DLC1: variants seen among roughly 807,000 people sequenced by gnomAD.
DLC1 encodes the protein rho GTPase-activating protein 7.
In DLC1, 54 loss-of-function variants were observed where a neutral mutation model predicts 140.3. The observed-to-expected ratio is 0.38, with a 90% confidence interval of 0.31 to 0.48. DLC1 has a LOEUF of 0.48. DLC1 is among the 20% of genes least tolerant of loss of function. The pLI is 0.96. For synonymous variants in DLC1, 986 were observed against 728.1 expected (o/e 1.35, Z -5.70); for missense variants, 2,536 against 1,907.0 (o/e 1.33, Z -6.14).
chr8:13,585,743 T>C (rs1805282556), intron 1 of DLC1, among the ~76,000 whole-genome samples: 1 of 152,182 alleles, frequency 6.6e-6, no homozygotes, highest in African/African-American at 2.4e-5. Flanking sequence ...ATCACCCTGA[T>C]TTCTTCTTTC....
chr8:13,426,190 C>A (rs935154329), intron 2 of DLC1, among the ~76,000 whole-genome samples: 1 of 143,624 alleles, frequency 7.0e-6, no homozygotes, highest in Admixed American at 7.2e-5. Context: ...GCTTAATATT[C>A]CAAATATTGT....
At chr8:13,174,187 A>T (rs904976184) in intron 5 of DLC1, among the ~76,000 whole-genome samples, 7 of 152,038 alleles carry the variant, frequency 4.6e-5, no homozygotes, top group African/African-American at 1.7e-4. Context: ...GCTGCAAAGG[A>T]TGTGATTTCT....
At chr8:13,117,723 C>G (rs1402115574) in intron 5 of DLC1, among the ~76,000 whole-genome samples, 1 of 152,188 alleles carries the variant, frequency 6.6e-6, no homozygotes, top group Non-Finnish European at 1.5e-5. Context: ...ACCAAAAATT[C>G]TCAGTGCCCG....
chr8:13,099,424 C>T lies in DLC1; in HGVS notation c.2913G>A (p.Leu971=), dbSNP rs745320768. The T allele has an allele frequency of 6.2e-7, 1 of 1,614,118 alleles. No homozygotes were observed. The highest frequency in any genetic ancestry group is 8.5e-7 in the Non-Finnish European group (1 of 1,180,024). Residue 971 remains leucine (L), a synonymous_variant, in exon 9 of 18, where the codon CTG becomes CTA. Transcript: ENST00000276297. ...TCTCGGAGGGCTCTTCCGGTTCATT[C>T]AGGGAGTTGCCTGTGCTGTCCAGGT... ...PSDLDSTGNS[L]NEPEEPSEIP...
chr8:13,133,648 C>T (rs950156038), intron 5 of DLC1, among the ~76,000 whole-genome samples: 5 of 151,604 alleles, frequency 3.3e-5, no homozygotes, highest in Non-Finnish European at 7.4e-5. Flanking sequence ...AACTATTGGC[C>T]CCGGGTGCAA....
intron 5 of DLC1, among the ~76,000 whole-genome samples, chr8:13,299,996 A>T (rs1393424588): frequency 6.6e-6 from 1 of 152,212 alleles, no homozygotes; most frequent in Non-Finnish European, 1.5e-5. Context: ...TGTTCATTGC[A>T]GCACTATTCA....
intron 5 of DLC1, among the ~76,000 whole-genome samples, chr8:13,267,754 G>A (rs1312248479): frequency 6.6e-6 from 1 of 151,698 alleles, no homozygotes; most frequent in African/African-American, 2.4e-5. Flanking sequence ...GTGTGTGTGT[G>A]TGTGTGTGTG....
intron 5 of DLC1, among the ~76,000 whole-genome samples, chr8:13,251,715 C>G (rs1830013030): frequency 6.6e-6 from 1 of 152,186 alleles, no homozygotes; most frequent in Non-Finnish European, 1.5e-5. Context: ...GATCTAAATT[C>G]TAGTCACCTC....
intron 2 of DLC1, among the ~76,000 whole-genome samples, chr8:13,487,045 C>G (rs964809529): frequency 6.6e-6 from 1 of 152,156 alleles, no homozygotes; most frequent in African/African-American, 2.4e-5. Context: ...TGAGGGAAGT[C>G]TGCTGCGGTT....
intron 4 of DLC1, among the ~76,000 whole-genome samples, chr8:13,330,171 C>T (rs1191770864): frequency 1.3e-5 from 2 of 152,034 alleles, no homozygotes; most frequent in African/African-American, 4.8e-5. Flanking sequence ...TGCTATGTTG[C>T]CCAGGATGGT....
At chr8:13,578,036 C>T (rs1585294989) in intron 1 of DLC1, among the ~76,000 whole-genome samples, 1 of 151,978 alleles carries the variant, frequency 6.6e-6, no homozygotes, top group Non-Finnish European at 1.5e-5. Context: ...AATTCCTACT[C>T]TCACACACTC....
At chr8:13,307,967 A>G (rs1402724761) in intron 4 of DLC1, among the ~76,000 whole-genome samples, 1 of 152,202 alleles carries the variant, frequency 6.6e-6, no homozygotes, top group African/African-American at 2.4e-5. Context: ...ATACCTCTAT[A>G]GGAATATTTT....
At chr8:13,465,555 A>AT (rs1419701632) in intron 2 of DLC1, among the ~76,000 whole-genome samples, 4 of 151,824 alleles carry the variant, frequency 2.6e-5, no homozygotes, top group Middle Eastern at 3.4e-3. Flanking sequence ...TAAAATATCC[A>AT]TTTTTTTGCC....
chr8:13,521,009 C>T (rs1226713207), intron 1 of DLC1, among the ~76,000 whole-genome samples: 1 of 152,126 alleles, frequency 6.6e-6, no homozygotes, highest in African/African-American at 2.4e-5. Flanking sequence ...TTGCCCAGCC[C>T]ATGAGTGATA....
intron 7 of DLC1, among the ~76,000 whole-genome samples, chr8:13,105,971 G>C (rs1819532703): frequency 6.6e-6 from 1 of 152,184 alleles, no homozygotes; most frequent in African/African-American, 2.4e-5. Context: ...CTGATATGCT[G>C]GGCGTAACCC....
chr8:13,088,780 A>G, intron 15 of DLC1, 76 bp from the exon 16 acceptor site: 3 of 1,309,510 alleles, frequency 2.3e-6, no homozygotes, highest in Non-Finnish European at 3.2e-6. Context: ...TGTTAGTTAG[A>G]CTAACAATTT....
At chr8:13,300,043 C>T (rs1262037013) in intron 5 of DLC1, among the ~76,000 whole-genome samples, 5 of 152,214 alleles carry the variant, frequency 3.3e-5, no homozygotes, top group African/African-American at 1.2e-4. Flanking sequence ...AAATGCCCAT[C>T]AGTGATAGGC....
chr8:13,451,068 A>AAAAAAAAAAAAAAAAAAAAAAAAAAAAAG (rs1799028861), intron 2 of DLC1, among the ~76,000 whole-genome samples: 1 of 143,876 alleles, frequency 7.0e-6, no homozygotes, highest in East Asian at 2.0e-4. Flanking sequence ...AAAAAAAAAA[A>AAAAAAAAAAAAAAAAAAAAAAAAAAAAAG]GAAAAAAAGA....
In DLC1 at chr8:13,111,672, G is replaced by C. The variant is rs569170354; in HGVS notation, c.1421-849C>G. 1.5e-4 allele frequency among the ~76,000 whole-genome samples: 23 copies of C among 152,252 alleles called. No homozygotes were observed. In the East Asian group the frequency reaches 4.3e-3, roughly 28 times the overall value. On this transcript the variant is annotated intron_variant, in intron 6 of 17. Transcript: ENST00000276297. ...TACAACAGCTCTGAAATTGCCACTG[G>C]ATAAAGGCAAGTTATCACCCTCTTG...
Sources: gnomAD v4.1 joint callset for allele counts (sites outside exome capture counted in the v4.1 genomes callset) on GRCh38, gnomAD v4.1.1 for gene constraint, MANE v1.5 for transcripts, NCBI Gene and HGNC (gene_info 2026-07-23, HGNC 2026-07-21) for gene names.